The following MIR2052HG variants were observed in gnomAD, a reference collection of about 807,000 sequenced individuals.
The protein encoded by MIR2052HG is MIR2052 host gene.
intron 1 of MIR2052HG, chr8:74,603,489 A>G: frequency 6.3e-7 from 1 of 1,589,556 alleles, no homozygotes; most frequent in Non-Finnish European, 8.6e-7. Flanking sequence ...TTATGCAGCC[A>G]ATCAAATCGT....
chr8:74,693,706 C>A (rs1242486453), intron 2 of MIR2052HG, among the ~76,000 whole-genome samples: 1 of 152,048 alleles, frequency 6.6e-6, no homozygotes, highest in Non-Finnish European at 1.5e-5. Flanking sequence ...CCCCACTTCC[C>A]TGGCAACCTG....
chr8:74,691,489 T>C (rs1357822539), intron 2 of MIR2052HG, among the ~76,000 whole-genome samples: 8 of 152,176 alleles, frequency 5.3e-5, no homozygotes, highest in Non-Finnish European at 1.2e-4. Flanking sequence ...GGGAAATTCC[T>C]TGGAAAGGTT....
At chr8:74,717,473 T>C (rs1779600611) in intron 4 of MIR2052HG, among the ~76,000 whole-genome samples, 1 of 152,192 alleles carries the variant, frequency 6.6e-6, no homozygotes, top group Non-Finnish European at 1.5e-5. Flanking sequence ...TTACTTTAAA[T>C]GGCAAAAATC....
intron 4 of MIR2052HG, among the ~76,000 whole-genome samples, chr8:74,742,866 A>G (rs562670135): frequency 6.2e-4 from 95 of 152,254 alleles, no homozygotes; most frequent in African/African-American, 2.2e-3. Flanking sequence ...AGATCTGTAA[A>G]AGGATTTGAC....
chr8:74,713,734 A>G (rs1809493384), intron 4 of MIR2052HG, among the ~76,000 whole-genome samples: 1 of 152,122 alleles, frequency 6.6e-6, no homozygotes, highest in Non-Finnish European at 1.5e-5. Context: ...GCATAACGTT[A>G]CCTATCTAAA....
intron 2 of MIR2052HG, among the ~76,000 whole-genome samples, chr8:74,652,677 G>A (rs1808765390): frequency 6.6e-6 from 1 of 152,122 alleles, no homozygotes. Context: ...AAGGTATTCT[G>A]CATTAAATGT....
chr8:74,611,765 T>G lies in MIR2052HG; in HGVS notation n.129-1088T>G, dbSNP rs143678261. Reference sequence around the variant, plus strand: ...TCAGCTTTATGGCTCCTCATGTAAATTTGCAGAAATCCATCCATTCATCCA... The same window carrying G: ...TCAGCTTTATGGCTCCTCATGTAAAGTTGCAGAAATCCATCCATTCATCCA... On this transcript the variant is annotated intron_variant and non_coding_transcript_variant, in intron 1 of 6. Coordinates refer to ENST00000523442, the Ensembl canonical transcript of MIR2052HG. Among the ~76,000 whole-genome samples, 756 of 152,292 alleles carry G rather than the reference T, an allele frequency of 5.0e-3. 11 individuals carry two copies. The highest frequency in any genetic ancestry group is 0.017 in the African/African-American group (706 of 41,562).
chr8:74,731,950 C>G (rs961636689), intron 4 of MIR2052HG, among the ~76,000 whole-genome samples: 15 of 152,088 alleles, frequency 9.9e-5, no homozygotes, highest in African/African-American at 3.1e-4. Context: ...TACTTGGAAA[C>G]TTATGTTTTC....
intron 4 of MIR2052HG, among the ~76,000 whole-genome samples, chr8:74,733,078 ATTTATTTATTTT>A (rs1809710429): frequency 6.6e-6 from 1 of 151,222 alleles, no homozygotes; most frequent in South Asian, 2.1e-4. Context: ...TTATTTATTT[ATTTATTTATTTT>A]ATTATTATAC....
chr8:74,639,605 A>C (rs1054662192), intron 2 of MIR2052HG, among the ~76,000 whole-genome samples: 2 of 152,158 alleles, frequency 1.3e-5, no homozygotes, highest in Non-Finnish European at 2.9e-5. Context: ...TCATTTCTGT[A>C]AATTGTTTTA....
intron 2 of MIR2052HG, among the ~76,000 whole-genome samples, chr8:74,659,618 G>A (rs572075279): frequency 6.6e-6 from 1 of 152,026 alleles, no homozygotes; most frequent in Non-Finnish European, 1.5e-5. Flanking sequence ...CTTTTAGAAA[G>A]AATGTCTCGT....
In MIR2052HG at chr8:74,620,636, GGCTGGA is replaced by G. The variant is rs1260471779; in HGVS notation, n.216+7701_216+7706del. Reference sequence around the variant, plus strand: ...CTGTATGCTGACCCTTTTTAGCCAGGGCTGGAGCTGAAGCAGCTGGGACACAGGGCA... The same window carrying G: ...CTGTATGCTGACCCTTTTTAGCCAGGGCTGAAGCAGCTGGGACACAGGGCA... On this transcript the variant is annotated intron_variant and non_coding_transcript_variant, in intron 2 of 6. Coordinates refer to ENST00000523442, the Ensembl canonical transcript of MIR2052HG. Among the ~76,000 whole-genome samples, 25 of 152,340 alleles carry G rather than the reference GGCTGGA, an allele frequency of 1.6e-4. 1 individual carries two copies. The highest frequency in any genetic ancestry group is 6.0e-4 in the African/African-American group (25 of 41,580).
intron 4 of MIR2052HG, among the ~76,000 whole-genome samples, chr8:74,732,220 A>T (rs917317771): frequency 1.3e-5 from 2 of 152,212 alleles, no homozygotes; most frequent in East Asian, 3.8e-4. Context: ...TCTACATAGT[A>T]TTATGTATTA....
chr8:74,608,221 A>G (rs1808140582), intron 1 of MIR2052HG, among the ~76,000 whole-genome samples: 1 of 150,848 alleles, frequency 6.6e-6, no homozygotes, highest in Admixed American at 6.6e-5. Context: ...GCACATAATT[A>G]GATGAACTTG....
In MIR2052HG at chr8:74,600,661, T is replaced by C. The variant is rs542002280; in HGVS notation, n.128+753T>C. Among the ~76,000 whole-genome samples, 3 of 151,750 alleles carry C rather than the reference T, an allele frequency of 2.0e-5. No homozygotes were observed. In the South Asian group the frequency reaches 6.3e-4, roughly 32 times the overall value. On this transcript the variant is annotated intron_variant and non_coding_transcript_variant, in intron 1 of 6. Coordinates refer to ENST00000523442, the Ensembl canonical transcript of MIR2052HG. ...CACAATCTTGGCTCACTGCAACCTCTGCCTCCCGGGTTCAAGTGATTATCC... is the reference window on the plus strand; with the variant it reads ...CACAATCTTGGCTCACTGCAACCTCCGCCTCCCGGGTTCAAGTGATTATCC...
At chr8:74,676,814 C>T (rs148800829) in intron 2 of MIR2052HG, among the ~76,000 whole-genome samples, 205 of 151,984 alleles carry the variant, frequency 1.3e-3, no homozygotes, top group African/African-American at 2.1e-3. Flanking sequence ...CACACACATA[C>T]GAAAGGCAAC....
chr8:74,728,583 C>G (rs777507259), intron 4 of MIR2052HG, among the ~76,000 whole-genome samples: 1 of 152,026 alleles, frequency 6.6e-6, no homozygotes, highest in Non-Finnish European at 1.5e-5. Context: ...TGTAATTCAG[C>G]GTGCTAAGGA....
intron 4 of MIR2052HG, among the ~76,000 whole-genome samples, chr8:74,709,669 A>G (rs1324251617): frequency 6.6e-6 from 1 of 152,080 alleles, no homozygotes; most frequent in Non-Finnish European, 1.5e-5. Flanking sequence ...GATTAATTAG[A>G]AGTTCATTAG....
intron 2 of MIR2052HG, among the ~76,000 whole-genome samples, chr8:74,631,516 T>A (rs1349506349): frequency 6.6e-6 from 1 of 152,192 alleles, no homozygotes; most frequent in Non-Finnish European, 1.5e-5. Context: ...CTACCTTTTA[T>A]GACATAGAGG....
Sources: allele counts gnomAD v4.1 joint callset (sites outside exome capture counted in the v4.1 genomes callset), GRCh38; gene constraint gnomAD v4.1.1; transcripts MANE v1.5; gene names NCBI Gene and HGNC (gene_info 2026-07-23, HGNC 2026-07-21).